Variants in DENND1B observed in about 807,000 individuals in gnomAD.
The protein encoded by DENND1B is DENN domain-containing protein 1B.
In DENND1B, 59 loss-of-function variants were observed where a neutral mutation model predicts 90.1. The observed-to-expected ratio is 0.65, with a 90% CI of 0.53 to 0.81. The LOEUF is 0.81. DENND1B is among the 40% of genes least tolerant of loss of function. The probability of loss-of-function intolerance (pLI) is 0.00; values close to 1 mark genes in which losing one functional copy is unlikely to be tolerated. For synonymous variants in DENND1B, 337 were observed against 324.6 expected (o/e 1.04, Z -0.41); for missense variants, 862 against 912.6 (o/e 0.94, Z 0.71).
chr1:197,756,722 C>T (rs1211292173), intron 2 of DENND1B, among the ~76,000 whole-genome samples: 2 of 151,114 alleles, frequency 1.3e-5, no homozygotes, highest in African/African-American at 4.9e-5. Flanking sequence ...ATTCATTATC[C>T]TTTTTATTTA....
chr1:197,666,729 T>G (rs1654971908), intron 5 of DENND1B, among the ~76,000 whole-genome samples: 1 of 152,218 alleles, frequency 6.6e-6, no homozygotes, highest in Admixed American at 6.5e-5. Context: ...GCACAGTCTG[T>G]TATAAAGGAA....
chr1:197,583,241 T>C lies in DENND1B; in HGVS notation c.1060A>G (p.Thr354Ala), dbSNP rs773820717. ...ALRYKPGEPI[T>A]FCEESFVKHR... is the part of the protein sequence containing the mutation. ...TTTACAAAACTCTCCTCACAGAAAGTGATGGGCTCACCCTAGATAGAAATA... is the reference window on the plus strand; with the variant it reads ...TTTACAAAACTCTCCTCACAGAAAGCGATGGGCTCACCCTAGATAGAAATA... The change falls in exon 15 of 23, where the codon ACT (threonine) becomes GCT (alanine). Residue 354 changes from threonine (T) to alanine (A), a missense_variant. By Grantham distance (58) the Thr-to-Ala change is moderately conservative (BLOSUM62 0). Coordinates refer to ENST00000620048, the MANE Select transcript of DENND1B (RefSeq NM_001195215.2). The C allele has an allele frequency of 6.2e-6, 10 of 1,613,772 alleles. 1 individual carries two copies. The South Asian group carries it at 1.1e-4, about 18-fold the overall frequency.
chr1:197,596,966 A>C (rs185793683), intron 13 of DENND1B, among the ~76,000 whole-genome samples: 2 of 151,926 alleles, frequency 1.3e-5, no homozygotes, highest in East Asian at 3.9e-4. Flanking sequence ...GTTTCGAAAA[A>C]ATTATTGAGT....
rs748684802 is a variant in DENND1B, at chr1:197,648,875, A to G, written c.448-1761T>C. Among the ~76,000 whole-genome samples the G allele has an allele frequency of 1.3e-3, 202 of 152,286 alleles. 1 individual carries two copies. Among genetic ancestry groups the G allele is most frequent in the Admixed American group, 3.7e-3 (56 of 15,304 alleles). The stretch of plus-strand genomic sequence containing the variant: ...ATATTTTATCCTTTAAATAGCTACA[A>G]TGATGTCTGCTGCTGACTCCCAAAT... On this transcript the variant is annotated intron_variant, in intron 7 of 22. Coordinates refer to ENST00000620048, the MANE Select transcript of DENND1B (RefSeq NM_001195215.2).
chr1:197,707,813 G>C (rs1055464388), intron 3 of DENND1B, among the ~76,000 whole-genome samples: 21 of 147,586 alleles, frequency 1.4e-4, no homozygotes, highest in Admixed American at 2.7e-4. Flanking sequence ...TCCATCTGAG[G>C]TACCGGGTTC....
intron 15 of DENND1B, among the ~76,000 whole-genome samples, chr1:197,578,710 A>G (rs1673917607): frequency 6.6e-6 from 1 of 152,228 alleles, no homozygotes; most frequent in Admixed American, 6.5e-5. Context: ...AAAAAATAAA[A>G]TACAACAAAA....
chr1:197,575,395 C>T (rs1673580011), intron 15 of DENND1B, among the ~76,000 whole-genome samples: 1 of 152,090 alleles, frequency 6.6e-6, no homozygotes, highest in Non-Finnish European at 1.5e-5. Flanking sequence ...CCATCTCATG[C>T]CATTTAGAAT....
At chr1:197,605,787 G>A (rs1676623324) in intron 13 of DENND1B, 1 of 151,074 alleles carries the variant, frequency 6.6e-6, no homozygotes, top group African/African-American at 2.4e-5. Context: ...AGTAAGATAA[G>A]GTAGTTGAAT....
intron 13 of DENND1B, among the ~76,000 whole-genome samples, chr1:197,600,623 T>A (rs1676118736): frequency 1.3e-5 from 2 of 151,864 alleles, no homozygotes; most frequent in Admixed American, 1.3e-4. Flanking sequence ...GATCTAAGAA[T>A]GAGTATTCAG....
intron 15 of DENND1B, among the ~76,000 whole-genome samples, chr1:197,578,771 G>A (rs928828344): frequency 3.3e-5 from 5 of 152,002 alleles, no homozygotes; most frequent in Non-Finnish European, 5.9e-5. Flanking sequence ...GGAGAACACT[G>A]TCTTTCCTTA....
At chr1:197,624,892 C>T (rs573753326) in intron 10 of DENND1B, among the ~76,000 whole-genome samples, 4 of 151,658 alleles carry the variant, frequency 2.6e-5, no homozygotes, top group Admixed American at 2.0e-4. Context: ...GGAGCCGATG[C>T]GATCAACTGG....
chr1:197,547,083 G>A lies in DENND1B; in HGVS notation c.1241-310C>T, dbSNP rs143954269. Among the ~76,000 whole-genome samples, 810 of 152,108 alleles carry A rather than the reference G, an allele frequency of 5.3e-3. 9 individuals are homozygous for A. The highest frequency in any genetic ancestry group is 0.024 in the Middle Eastern group (7 of 292). Reference sequence around the variant, plus strand: ...TAAAAGCTTAAATACTCCCTAAGTCGCAGGGGTAAAAAGTCACAATAAAAA... The same window carrying A: ...TAAAAGCTTAAATACTCCCTAAGTCACAGGGGTAAAAAGTCACAATAAAAA... On this transcript the variant is annotated intron_variant, in intron 16 of 22. Coordinates refer to ENST00000620048, the MANE Select transcript of DENND1B (RefSeq NM_001195215.2).
At chr1:197,640,658 G>T (rs1680191527) in intron 10 of DENND1B, among the ~76,000 whole-genome samples, 1 of 152,034 alleles carries the variant, frequency 6.6e-6, no homozygotes, top group Non-Finnish European at 1.5e-5. Context: ...GAGTCAAACA[G>T]ATTACTTGGT....
intron 17 of DENND1B, 115 bp downstream of exon 17, chr1:197,546,618 T>C: frequency 2.2e-6 from 2 of 919,412 alleles, no homozygotes; most frequent in South Asian, 3.6e-5. Flanking sequence ...TGACAAAATA[T>C]ACAAACATTT....
chr1:197,534,858 T>A (rs1571772386), intron 20 of DENND1B, among the ~76,000 whole-genome samples: 1 of 152,170 alleles, frequency 6.6e-6, no homozygotes, highest in Non-Finnish European at 1.5e-5. Context: ...TTATTATACT[T>A]GGAGAGTTAG....
chr1:197,727,289 A>G (rs765610804), intron 2 of DENND1B, among the ~76,000 whole-genome samples: 1 of 152,158 alleles, frequency 6.6e-6, no homozygotes, highest in Non-Finnish European at 1.5e-5. Context: ...TAATCCCAGC[A>G]CTTTGGGAGG....
chr1:197,540,232 T>A (rs1188056823), intron 19 of DENND1B, among the ~76,000 whole-genome samples, 161 bp from the exon 20 acceptor site: 2 of 151,976 alleles, frequency 1.3e-5, no homozygotes, highest in East Asian at 3.8e-4. Context: ...CATTTTTCTA[T>A]AATCAAAATT....
chr1:197,774,716 A>T (rs1657047074), intron 1 of DENND1B: 1 of 155,716 alleles, frequency 6.4e-6, no homozygotes, highest in Non-Finnish European at 1.4e-5. Flanking sequence ...AGCACTCGGA[A>T]TAATAACCTC....
intron 15 of DENND1B, among the ~76,000 whole-genome samples, chr1:197,582,317 A>G (rs1433224126): frequency 2.0e-5 from 3 of 152,158 alleles, no homozygotes; most frequent in Non-Finnish European, 4.4e-5. Context: ...CCCTTCTAAC[A>G]GTTCAAAAAA....
Sources: allele counts gnomAD v4.1 joint callset (sites outside exome capture counted in the v4.1 genomes callset), GRCh38; gene constraint gnomAD v4.1.1; transcripts MANE v1.5; gene names NCBI Gene and HGNC (gene_info 2026-07-23, HGNC 2026-07-21).